The following NUP93 variants were observed in gnomAD, a reference collection of about 807,000 sequenced individuals.
The protein encoded by NUP93 is nuclear pore complex protein Nup93.
NUP93 carries 55 observed loss-of-function variants against 107.8 expected under a neutral mutation model. The observed-to-expected ratio is 0.51, with a 90% CI of 0.41 to 0.64. The LOEUF (loss-of-function observed/expected upper bound fraction) is 0.64. NUP93 is among the 30% of genes least tolerant of loss of function. The pLI is 0.00. For missense variants in NUP93, 937 were observed against 1,044.7 expected (o/e 0.90, Z 1.42); for synonymous variants, 390 against 397.5 (o/e 0.98, Z 0.22).
chr16:56,757,750 G>C (rs1962052497), intron 2 of NUP93, among the ~76,000 whole-genome samples: 1 of 152,202 alleles, frequency 6.6e-6, no homozygotes, highest in African/African-American at 2.4e-5. Flanking sequence ...ATGGCGTTTG[G>C]CTTTTGAAGG....
intron 3 of NUP93, among the ~76,000 whole-genome samples, chr16:56,778,773 A>G (rs1962461720): frequency 6.6e-6 from 1 of 152,214 alleles, no homozygotes; most frequent in Non-Finnish European, 1.5e-5. Context: ...GTAAGCTATC[A>G]CTGTGGAAAT....
At chr16:56,780,124 C>G (rs1159583987) in intron 3 of NUP93, among the ~76,000 whole-genome samples, 3 of 152,214 alleles carry the variant, frequency 2.0e-5, no homozygotes, top group Non-Finnish European at 4.4e-5. Flanking sequence ...CCTCAACACA[C>G]ACGTTTCTCC....
chr16:56,762,516 CATT>C (rs1389692697), intron 3 of NUP93, among the ~76,000 whole-genome samples: 11 of 152,326 alleles, frequency 7.2e-5, no homozygotes, highest in African/African-American at 2.4e-4. Flanking sequence ...GATCATTACA[CATT>C]GTATGCTTGT....
chr16:56,808,665 T>A (rs1408135943), intron 5 of NUP93, among the ~76,000 whole-genome samples: 1 of 132,262 alleles, frequency 7.6e-6, no homozygotes, highest in African/African-American at 2.9e-5. Context: ...TACATATATT[T>A]ATAAATATAT....
intron 3 of NUP93, among the ~76,000 whole-genome samples, chr16:56,786,197 G>A (rs1422059507): frequency 6.6e-6 from 1 of 152,230 alleles, no homozygotes; most frequent in African/African-American, 2.4e-5. Context: ...AATAGTCATA[G>A]TGGTAATGAC....
At chr16:56,824,285 C>T (rs781324121) in intron 8 of NUP93, among the ~76,000 whole-genome samples, 12 of 152,104 alleles carry the variant, frequency 7.9e-5, no homozygotes, top group Non-Finnish European at 1.8e-4. Flanking sequence ...TCTGACTCTA[C>T]TTGGTTAATT....
In NUP93 at chr16:56,849,417, G is replaced by A. The variant is rs1964151913; in HGVS notation, c.*4808G>A. 1 of 152,264 alleles carries A rather than the reference G, an allele frequency of 6.6e-6. No homozygotes were observed. The highest frequency in any genetic ancestry group is 2.4e-5 in the African/African-American group (1 of 41,478). 9.4% of individuals were successfully genotyped at this position (152,264 alleles called of 1,614,324 possible). ...TACACCTGGCTGCCTTTGCCCTTGA[G>A]CTTCTATTTCTTGGGGATGGGGAGG... On this transcript the variant is annotated 3_prime_UTR_variant, in exon 22 of 22. Transcript: ENST00000308159.
In NUP93 at chr16:56,839,624, G is replaced by A; in HGVS notation, c.2220+20G>A. ...GATGAAGTAAGTTCCTTCTTCCTGA[G>A]TTGTGGAATTCCTTTTTCCCCACTT... On this transcript the variant is annotated intron_variant, in intron 20 of 21. Coordinates refer to ENST00000308159, the MANE Select transcript of NUP93 (RefSeq NM_014669.5). The A allele has an allele frequency of 6.3e-7, 1 of 1,584,670 alleles. No individual in the cohort carries two copies. Among genetic ancestry groups the A allele is most frequent in the Non-Finnish European group, 8.7e-7 (1 of 1,153,494 alleles).
intron 3 of NUP93, among the ~76,000 whole-genome samples, chr16:56,791,626 G>A (rs1362965817): frequency 6.6e-6 from 1 of 152,214 alleles, no homozygotes; most frequent in Admixed American, 6.5e-5. Flanking sequence ...AAATAAGGCA[G>A]TTTCATGCCT....
At chr16:56,736,772 A>C (rs775212595) in intron 1 of NUP93, among the ~76,000 whole-genome samples, 1 of 152,222 alleles carries the variant, frequency 6.6e-6, no homozygotes, top group Non-Finnish European at 1.5e-5. Flanking sequence ...AGTCATTGCC[A>C]TTGAGTCTTC....
chr16:56,784,563 G>A (rs1962585265), intron 3 of NUP93, among the ~76,000 whole-genome samples: 1 of 152,098 alleles, frequency 6.6e-6, no homozygotes, highest in Admixed American at 6.6e-5. Flanking sequence ...TTATTTCTTT[G>A]TTCCTTTATA....
chr16:56,796,682 A>G (rs1962905453), intron 3 of NUP93, among the ~76,000 whole-genome samples: 1 of 152,198 alleles, frequency 6.6e-6, no homozygotes, highest in African/African-American at 2.4e-5. Flanking sequence ...CAGTTTCTTT[A>G]AAAAGCAAAA....
intron 16 of NUP93, among the ~76,000 whole-genome samples, chr16:56,835,518 T>A (rs1561141): frequency 6.6e-6 from 1 of 152,148 alleles, no homozygotes; most frequent in African/African-American, 2.4e-5. Context: ...TTGTGCTGAG[T>A]GCTTTGCATA....
chr16:56,807,461 G>A (rs995333284), intron 5 of NUP93, among the ~76,000 whole-genome samples: 19 of 152,146 alleles, frequency 1.2e-4, no homozygotes, highest in Admixed American at 9.8e-4. Flanking sequence ...CCATTAGAAT[G>A]TAAGCTTATT....
intron 5 of NUP93, among the ~76,000 whole-genome samples, chr16:56,809,961 G>A (rs1963277830): frequency 6.6e-6 from 1 of 152,206 alleles, no homozygotes; most frequent in Non-Finnish European, 1.5e-5. Context: ...AATTAGAACA[G>A]CTCATGGTTT....
chr16:56,840,464 TAG>T (rs1964001543), intron 20 of NUP93, among the ~76,000 whole-genome samples: 1 of 152,224 alleles, frequency 6.6e-6, no homozygotes, highest in Non-Finnish European at 1.5e-5. Context: ...CTGGCATCTC[TAG>T]AAAAGTTTCT....
chr16:56,825,872 C>G lies in NUP93; in HGVS notation c.794+2026C>G, dbSNP rs534947130. Among the ~76,000 whole-genome samples, 5 of 152,220 alleles carry G rather than the reference C, an allele frequency of 3.3e-5. No homozygotes were observed. The East Asian group carries it at 7.7e-4, about 23-fold the overall frequency. Reference sequence around the variant, plus strand: ...AAGGGGGTATTTTAGAATAATTATACTGAGTTTTAAAATATTTTTCTCTGC... The same window carrying G: ...AAGGGGGTATTTTAGAATAATTATAGTGAGTTTTAAAATATTTTTCTCTGC... On this transcript the variant is annotated intron_variant, in intron 8 of 21. Transcript: ENST00000308159.
At chr16:56,783,692 C>T (rs1178883365) in intron 3 of NUP93, 1 of 985,272 alleles carries the variant, frequency 1.0e-6, no homozygotes. Flanking sequence ...TTAGCTGTAT[C>T]ATGGTCGAGG....
At chr16:56,827,066 A>AAAAAAAAAAAT (rs1469520713) in intron 8 of NUP93, among the ~76,000 whole-genome samples, 12 of 143,096 alleles carry the variant, frequency 8.4e-5, no homozygotes, top group African/African-American at 2.8e-4. Flanking sequence ...AAAAAAAAAA[A>AAAAAAAAAAAT]AAATTTTGTT....
Sources: allele counts gnomAD v4.1 joint callset (sites outside exome capture counted in the v4.1 genomes callset), GRCh38; gene constraint gnomAD v4.1.1; transcripts MANE v1.5; gene names NCBI Gene and HGNC (gene_info 2026-07-23, HGNC 2026-07-21).